ENAH: variants seen among roughly 807,000 people sequenced by gnomAD.
ENAH encodes protein enabled homolog.
ENAH carries 23 observed loss-of-function variants against 78.7 expected under a neutral mutation model. The ratio of observed to expected loss-of-function variants is 0.29; its 90% CI spans 0.21 to 0.41. ENAH has a LOEUF of 0.41. Ranked by LOEUF, ENAH falls within the 10% of genes least tolerant of loss-of-function variation. The probability of loss-of-function intolerance (pLI) is 1.00; values close to 1 mark genes in which losing one functional copy is unlikely to be tolerated. For synonymous variants in ENAH, 226 were observed against 241.0 expected, an observed-to-expected ratio of 0.94 and a Z score of 0.58; for missense variants, 544 against 691.0, an observed-to-expected ratio of 0.79 and a Z score of 2.39.
At chr1:225,582,157 T>TC (rs199559593) in intron 1 of ENAH, among the ~76,000 whole-genome samples, 5 of 151,366 alleles carry the variant, frequency 3.3e-5, no homozygotes, top group South Asian at 4.2e-4. Context: ...CTGGTTGTCT[T>TC]CCCCCCCTCT....
intron 1 of ENAH, among the ~76,000 whole-genome samples, chr1:225,589,440 G>T (rs1413698445): frequency 2.0e-5 from 3 of 152,104 alleles, no homozygotes; most frequent in Admixed American, 6.5e-5. Context: ...ATTATAGTCA[G>T]CCCTCAGTAT....
chr1:225,643,071 TCA>T (rs2148463272), intron 1 of ENAH, among the ~76,000 whole-genome samples: 1 of 152,312 alleles, frequency 6.6e-6, no homozygotes, highest in South Asian at 2.1e-4. Flanking sequence ...TTATGCATAC[TCA>T]CAGAGGCCTG....
At chr1:225,532,129 T>C (rs1373271603) in intron 3 of ENAH, among the ~76,000 whole-genome samples, 1 of 152,114 alleles carries the variant, frequency 6.6e-6, no homozygotes, top group East Asian at 1.9e-4. Context: ...CTAGAATTCT[T>C]TTCTTGGGAA....
chr1:225,541,058 C>T (rs1039804205), intron 3 of ENAH, among the ~76,000 whole-genome samples: 1 of 152,116 alleles, frequency 6.6e-6, no homozygotes, highest in Non-Finnish European at 1.5e-5. Flanking sequence ...TTAGTAGTTG[C>T]CAGATGCTGG....
chr1:225,569,569 CA>C (rs766143286), intron 1 of ENAH, among the ~76,000 whole-genome samples: 3 of 152,082 alleles, frequency 2.0e-5, no homozygotes, highest in Non-Finnish European at 4.4e-5. Context: ...CTTCATGCCT[CA>C]AAAAAATTTT....
chr1:225,559,457 T>C (rs1037676029), intron 2 of ENAH, among the ~76,000 whole-genome samples: 1 of 152,216 alleles, frequency 6.6e-6, no homozygotes, highest in African/African-American at 2.4e-5. Context: ...ACAGACCTTT[T>C]TTTCTGACTG....
In ENAH at chr1:225,487,707, T is replaced by C. The variant is rs901060180; in HGVS notation, c.*10068A>G. The stretch of plus-strand genomic sequence containing the variant: ...TAAAGTCCCATTCATGGGGTGCAAA[T>C]GTTTACATTGTTAGCAAAGAAAATA... On this transcript the variant is annotated 3_prime_UTR_variant, in exon 14 of 14. Transcript: ENST00000366843. 2 of 152,364 alleles carry C rather than the reference T, an allele frequency of 1.3e-5. No homozygotes were observed. Among genetic ancestry groups the C allele is most frequent in the South Asian group, 2.1e-4 (1 of 4,826 alleles). The allele number at this position is 152,364 out of a possible 1,614,324, so 9.4% of individuals were successfully genotyped here. A position where few individuals can be genotyped will look rare whatever the true frequency, so the allele number is the denominator to read the frequency against.
rs34432111 is a variant in ENAH at position 225,519,569 on chromosome 1, G to GAAAA, written c.435-8_435-5dup. On this transcript the variant is annotated splice_region_variant and splice_polypyrimidine_tract_variant and intron_variant, in intron 4 of 13. Coordinates refer to ENST00000366843, the MANE Select transcript of ENAH (RefSeq NM_018212.6). ...CCGTTGCTGTTCTTGTAGTTGTCTG[G>GAAAA]AAAAAAAAAAAAAAAAGTAAAAACA... 2.3e-5 allele frequency: 35 copies of GAAAA among 1,492,664 alleles called. No individual in the cohort carries two copies. In the African/African-American group the frequency reaches 3.9e-4, roughly 17 times the overall value. The allele number at this position is 1,492,664 out of a possible 1,614,324, so 92.5% of individuals were successfully genotyped here.
At chr1:225,653,296 G>A (rs1013740283), upstream of ENAH, among the ~76,000 whole-genome samples, 1 of 151,262 alleles carries the variant, frequency 6.6e-6, no homozygotes, top group South Asian at 2.1e-4. The surrounding 1 kb of genome is among the most constrained non-coding windows in gnomAD (Gnocchi z 4.3). Context: ...GGCCCCCGCC[G>A]GACTGCGGAG....
At chr1:225,538,435 C>T (rs889402147) in intron 3 of ENAH, among the ~76,000 whole-genome samples, 4 of 151,760 alleles carry the variant, frequency 2.6e-5, no homozygotes, top group African/African-American at 9.7e-5. Context: ...GAAACATTTT[C>T]AAAAATATTA....
At chr1:225,565,650 C>T (rs1209201129) in intron 2 of ENAH, among the ~76,000 whole-genome samples, 1 of 150,768 alleles carries the variant, frequency 6.6e-6, no homozygotes, top group African/African-American at 2.4e-5. Flanking sequence ...CTTTTTTTTT[C>T]CCCATAATAA....
intron 3 of ENAH, among the ~76,000 whole-genome samples, chr1:225,552,139 T>TC (rs1172061645): frequency 3.4e-5 from 5 of 146,616 alleles, no homozygotes; most frequent in Non-Finnish European, 7.5e-5. Context: ...TGATTCTTTT[T>TC]TTTTTTTTTT....
chr1:225,567,415 C>A lies in ENAH; in HGVS notation c.6-1G>T. On this transcript the variant is annotated splice_acceptor_variant, in intron 1 of 13. Coordinates refer to ENST00000366843, the MANE Select transcript of ENAH (RefSeq NM_018212.6). LOFTEE classifies it high-confidence loss of function. ...TCTTGCCTGACAGATACTCTGTTCA[C>A]TGTAAAAAATAAAATAAAATATTCA... The A allele has an allele frequency of 6.3e-7, 1 of 1,598,562 alleles. No homozygotes were observed. The highest frequency in any genetic ancestry group is 8.5e-7 in the Non-Finnish European group (1 of 1,173,028).
intron 2 of ENAH, among the ~76,000 whole-genome samples, chr1:225,555,555 C>A (rs976563000): frequency 5.3e-5 from 8 of 151,350 alleles, no homozygotes; most frequent in African/African-American, 1.9e-4. Flanking sequence ...GCACTCCAGC[C>A]TGGGCGATAG....
intron 2 of ENAH, among the ~76,000 whole-genome samples, chr1:225,555,944 G>A (rs2096664373): frequency 2.0e-5 from 3 of 152,064 alleles, no homozygotes; most frequent in Admixed American, 1.3e-4. Context: ...AGTTTTGTAG[G>A]TTTTTGGATT....
intron 5 of ENAH, 70 bp downstream of exon 5, chr1:225,519,128 C>A: frequency 6.4e-7 from 1 of 1,550,776 alleles, no homozygotes; most frequent in Non-Finnish European, 8.7e-7. Flanking sequence ...AATATTTTAA[C>A]ACATGACTGC....
intron 1 of ENAH, among the ~76,000 whole-genome samples, chr1:225,641,320 T>C (rs2148447739): frequency 6.6e-6 from 1 of 151,406 alleles, no homozygotes; most frequent in Admixed American, 6.6e-5. Context: ...ACATGTTTTT[T>C]TAAAGGTACC....
chr1:225,528,407 GA>G (rs1261673166), intron 4 of ENAH, among the ~76,000 whole-genome samples: 1 of 152,172 alleles, frequency 6.6e-6, no homozygotes, highest in Non-Finnish European at 1.5e-5. Context: ...AGACAGTCAT[GA>G]GGGGGTGAAA....
In ENAH at chr1:225,645,518, T is replaced by C. The variant is rs147982551; in HGVS notation, c.5+7168A>G. On this transcript the variant is annotated intron_variant, in intron 1 of 13. Transcript: ENST00000366843. ...AGACATTTGTGTACAAGTTTTTCTG[T>C]GGACAAATGTTTTCATTTCTAGGAA... is the stretch of plus-strand genomic sequence containing the variant. Among the ~76,000 whole-genome samples the C allele has an allele frequency of 4.7e-3, 715 of 152,340 alleles. 10 individuals are homozygous for C. The highest frequency in any genetic ancestry group is 0.017 in the African/African-American group (691 of 41,582).
Sources: allele counts gnomAD v4.1 joint callset (sites outside exome capture counted in the v4.1 genomes callset), GRCh38; gene constraint gnomAD v4.1.1; non-coding constraint Gnocchi (gnomAD v3.1); transcripts MANE v1.5; gene names NCBI Gene and HGNC (gene_info 2026-07-23, HGNC 2026-07-21).